The following PRTG variants were observed in gnomAD, a reference collection of about 807,000 sequenced individuals.
PRTG encodes the protein immunoglobulin superfamily, DCC subclass, member 5.
Under a neutral mutation model 122.5 loss-of-function variants are expected in PRTG, and 67 were observed. That is an observed-to-expected ratio of 0.55 (90% CI 0.45 to 0.67). The LOEUF (loss-of-function observed/expected upper bound fraction) is 0.67. Among genes scored for constraint, PRTG ranks in the 30% least tolerant of loss-of-function variants. PRTG has a pLI of 0.00. For synonymous variants in PRTG, 554 were observed against 501.1 expected (o/e 1.11, Z -1.41); for missense variants, 1,435 against 1,415.4 (o/e 1.01, Z -0.22).
At position 55,672,431 on chromosome 15, in the gene PRTG, A is replaced by G. The variant is rs756469021; in HGVS notation, c.2041+14T>C. The G allele has an allele frequency of 8.7e-6, 14 of 1,605,116 alleles. No homozygotes were observed. In the South Asian group the frequency reaches 1.6e-4, roughly 18 times the overall value. Reference sequence around the variant, plus strand: ...GGAAGGAAAAAGGGAAAAATACAGTACAAACTCACTCACCTAAGCCACTGA... The same window carrying G: ...GGAAGGAAAAAGGGAAAAATACAGTGCAAACTCACTCACCTAAGCCACTGA... On this transcript the variant is annotated intron_variant, in intron 11 of 19. Transcript: ENST00000389286.
chr15:55,738,078 A>ATATATATG (rs1192185331), intron 2 of PRTG: 3 of 141,216 alleles, frequency 2.1e-5, no homozygotes, highest in African/African-American at 7.6e-5. Flanking sequence ...GTAAATATAT[A>ATATATATG]TATATATATA....
At chr15:55,730,699 C>G (rs1359725767) in intron 2 of PRTG, among the ~76,000 whole-genome samples, 5 of 152,026 alleles carry the variant, frequency 3.3e-5, no homozygotes, top group African/African-American at 1.2e-4. Context: ...ACTTGGGAGG[C>G]TGAGGCAGGA....
intron 7 of PRTG, 46 bp downstream of exon 7, chr15:55,679,240 A>G: frequency 1.6e-6 from 2 of 1,264,054 alleles, no homozygotes; most frequent in South Asian, 2.6e-5. Context: ...AAATTACTAA[A>G]GCCATTATAT....
Position 55,672,645 on chromosome 15 carries a change from C to T in PRTG, c.1853-12G>A. 2 of 1,601,528 alleles carry T rather than the reference C, an allele frequency of 1.2e-6. No individual in the cohort carries two copies. Among genetic ancestry groups the T allele is most frequent in the Non-Finnish European group, 1.7e-6 (2 of 1,173,304 alleles). On this transcript the variant is annotated splice_polypyrimidine_tract_variant and intron_variant, in intron 10 of 19. Coordinates refer to ENST00000389286, the MANE Select transcript of PRTG (RefSeq NM_173814.6). Reference sequence around the variant, plus strand: ...TGGAGACTTAGGGGCTAGCAAAATTCATCAGAAAATGTATGTATAAACAAC... The same window carrying T: ...TGGAGACTTAGGGGCTAGCAAAATTTATCAGAAAATGTATGTATAAACAAC...
At chr15:55,707,972 A>G (rs1246358294) in intron 2 of PRTG, among the ~76,000 whole-genome samples, 2 of 152,090 alleles carry the variant, frequency 1.3e-5, no homozygotes, top group African/African-American at 4.8e-5. Context: ...GGATCTGTTA[A>G]TTTGAAAAAT....
At chr15:55,654,182 C>T (rs1440557127) in intron 11 of PRTG, among the ~76,000 whole-genome samples, 1 of 152,074 alleles carries the variant, frequency 6.6e-6, no homozygotes, top group East Asian at 1.9e-4. Flanking sequence ...CCTCACTGGC[C>T]CCATTTGGTA....
At chr15:55,738,484 T>C in intron 2 of PRTG, 1 of 701,332 alleles carries the variant, frequency 1.4e-6, no homozygotes, top group Non-Finnish European at 2.6e-6. Flanking sequence ...CCACCTCCAC[T>C]ATGTACTCCC....
rs2059621896 is a variant in PRTG at position 55,694,594 on chromosome 15, A to G, written c.398-10663T>C. Among the ~76,000 whole-genome samples the G allele has an allele frequency of 2.0e-5, 3 of 152,166 alleles. No homozygotes were observed. In the South Asian group the frequency reaches 6.2e-4, roughly 32 times the overall value. On this transcript the variant is annotated intron_variant, in intron 2 of 19. Transcript: ENST00000389286. ...AAAAGCATGCAAATATAAAACATATATATCATGATAGTTTTAAATGTTGTT... is the reference window on the plus strand; with the variant it reads ...AAAAGCATGCAAATATAAAACATATGTATCATGATAGTTTTAAATGTTGTT...
At chr15:55,691,699 A>C (rs984951352) in intron 2 of PRTG, among the ~76,000 whole-genome samples, 2 of 151,788 alleles carry the variant, frequency 1.3e-5, no homozygotes, top group Non-Finnish European at 2.9e-5. Flanking sequence ...AAAAAAAAGA[A>C]TATGTGTTAA....
intron 15 of PRTG, among the ~76,000 whole-genome samples, chr15:55,630,761 T>C (rs2059223269): frequency 6.6e-6 from 1 of 152,126 alleles, no homozygotes; most frequent in Non-Finnish European, 1.5e-5. Flanking sequence ...GTGCTAAAAG[T>C]GTAATAGAAA....
At chr15:55,643,910 C>A (rs28508196) in intron 11 of PRTG, among the ~76,000 whole-genome samples, 2,608 of 152,016 alleles carry the variant, frequency 0.017, 89 homozygotes, top group African/African-American at 0.06. Flanking sequence ...GCTGCCCAGG[C>A]TGGACAACAG....
chr15:55,678,178 C>G, intron 7 of PRTG, 134 bp from the exon 8 acceptor site: 3 of 607,178 alleles, frequency 4.9e-6, no homozygotes, highest in Non-Finnish European at 8.4e-6. Context: ...TTGTAGAACA[C>G]TGCAGCAACT....
chr15:55,645,676 C>T (rs2059318182), intron 11 of PRTG, among the ~76,000 whole-genome samples: 1 of 152,050 alleles, frequency 6.6e-6, no homozygotes, highest in Non-Finnish European at 1.5e-5. Context: ...CTTCATAGTT[C>T]TGCAAAGACC....
At chr15:55,740,135 G>A (rs2031561726) in intron 2 of PRTG, among the ~76,000 whole-genome samples, 1 of 152,144 alleles carries the variant, frequency 6.6e-6, no homozygotes, top group South Asian at 2.1e-4. Flanking sequence ...TTTTTATAAA[G>A]CCACCTCTAC....
At chr15:55,734,530 T>C (rs1321079318) in intron 2 of PRTG, among the ~76,000 whole-genome samples, 4 of 151,914 alleles carry the variant, frequency 2.6e-5, no homozygotes, top group Non-Finnish European at 4.4e-5. Context: ...ACCTGAACAA[T>C]GATCACATTC....
intron 2 of PRTG, among the ~76,000 whole-genome samples, chr15:55,729,447 C>T (rs1472279304): frequency 2.6e-5 from 4 of 151,914 alleles, no homozygotes; most frequent in East Asian, 1.9e-4. Context: ...GTGAGGCAGA[C>T]GCACAAAACC....
chr15:55,735,315 A>G (rs1222590788), intron 2 of PRTG, among the ~76,000 whole-genome samples: 1 of 152,210 alleles, frequency 6.6e-6, no homozygotes, highest in Non-Finnish European at 1.5e-5. Flanking sequence ...AACCTTGTTC[A>G]TGAGAGATAA....
At chr15:55,732,106 A>C (rs1219609091) in intron 2 of PRTG, among the ~76,000 whole-genome samples, 3 of 152,260 alleles carry the variant, frequency 2.0e-5, no homozygotes, top group African/African-American at 7.2e-5. Flanking sequence ...ATATGGTATT[A>C]TCATCTTATA....
Position 55,612,933 on chromosome 15 carries a change from A to T in PRTG, c.*7079T>A, listed in dbSNP as rs983269746. 2 of 151,802 alleles carry T rather than the reference A, an allele frequency of 1.3e-5. No individual in the cohort carries two copies. Among genetic ancestry groups the T allele is most frequent in the Non-Finnish European group, 2.9e-5 (2 of 67,908 alleles). 9.4% of individuals were successfully genotyped at this position (151,802 alleles called of 1,614,324 possible). A position where few individuals can be genotyped will look rare whatever the true frequency, so the allele number is the denominator to read the frequency against. The stretch of plus-strand genomic sequence containing the variant: ...GGGAGATGCAAACATTTTTCATTTC[A>T]ACAAAGGCAAAATATAATTGCAAAG... On this transcript the variant is annotated 3_prime_UTR_variant, in exon 20 of 20. Transcript: ENST00000389286.
Sources: gnomAD v4.1 joint callset for allele counts (sites outside exome capture counted in the v4.1 genomes callset) on GRCh38, gnomAD v4.1.1 for gene constraint, MANE v1.5 for transcripts, NCBI Gene and HGNC (gene_info 2026-07-23, HGNC 2026-07-21) for gene names.